The following ACSL6 variants were observed in gnomAD, a reference collection of about 807,000 sequenced individuals.
ACSL6 encodes the protein acyl-CoA synthetase long chain family member 6, also known as long-chain-fatty-acid--CoA ligase 6.
Under a neutral mutation model 98.2 loss-of-function variants are expected in ACSL6, and 47 were observed. That is an observed-to-expected ratio of 0.48 (90% CI 0.38 to 0.61). The LOEUF (loss-of-function observed/expected upper bound fraction) is 0.61, where lower values mean the gene tolerates loss of function less well. Among genes scored for constraint, ACSL6 ranks in the 20% least tolerant of loss-of-function variants. The pLI, the probability that ACSL6 is intolerant of heterozygous loss-of-function variation, is 0.00. For synonymous variants in ACSL6, 362 were observed against 336.9 expected (o/e 1.07, Z -0.82); for missense variants, 761 against 913.4 (o/e 0.83, Z 2.15).
At chr5:132,012,140 C>T (rs1158174480), upstream of ACSL6, 3 of 513,518 alleles carry the variant, frequency 5.8e-6, no homozygotes, top group Non-Finnish European at 9.6e-6. Flanking sequence ...GACACCAACG[C>T]CCCCTAGGAC....
At chr5:132,002,812 C>G (rs1278381310) in intron 1 of ACSL6, among the ~76,000 whole-genome samples, 4 of 152,106 alleles carry the variant, frequency 2.6e-5, no homozygotes, top group African/African-American at 7.2e-5. Flanking sequence ...CCTGTCTGCA[C>G]TGAGGACTGG....
At position 131,951,236 on chromosome 5, in the gene ACSL6, A is replaced by G. The variant is rs567984083; in HGVS notation, c.*2998T>C. 1.4e-5 allele frequency: 3 copies of G among 212,370 alleles called. No homozygotes were observed. Among genetic ancestry groups the G allele is most frequent in the African/African-American group, 2.3e-5 (1 of 44,176 alleles). 13.2% of individuals were successfully genotyped at this position (212,370 alleles called of 1,614,324 possible). On this transcript the variant is annotated 3_prime_UTR_variant, in exon 21 of 21. Transcript: ENST00000651883. ...ATACTTCTAGGCTTAAATAGATCCA[A>G]TGCCCAATATGAATGTGACCATCGT...
chr5:131,973,584 C>T (rs1753439522), intron 11 of ACSL6, 184 bp from the exon 12 acceptor site: 1 of 510,478 alleles, frequency 2.0e-6, no homozygotes, highest in Admixed American at 3.4e-5. Flanking sequence ...ACCTTCCAAC[C>T]AAGTCCCACT....
At chr5:132,007,294 C>A (rs752381183) in intron 1 of ACSL6, among the ~76,000 whole-genome samples, 2 of 152,226 alleles carry the variant, frequency 1.3e-5, no homozygotes, top group African/African-American at 4.8e-5. Flanking sequence ...CCTCTGGCAA[C>A]CTCACTGGCC....
At chr5:131,996,109 T>C (rs1580689683) in intron 1 of ACSL6, among the ~76,000 whole-genome samples, 1 of 152,314 alleles carries the variant, frequency 6.6e-6, no homozygotes, top group East Asian at 1.9e-4. Context: ...AGGCTCTGGG[T>C]GAGCCTCTAG....
At chr5:131,998,046 G>C (rs1489230715) in intron 1 of ACSL6, among the ~76,000 whole-genome samples, 1 of 152,132 alleles carries the variant, frequency 6.6e-6, no homozygotes, top group Non-Finnish European at 1.5e-5. Context: ...TTATTTCACA[G>C]GGCCTTGGCC....
intron 1 of ACSL6, chr5:131,994,809 A>T (rs1754711753): frequency 5.9e-6 from 1 of 169,894 alleles, no homozygotes; most frequent in Non-Finnish European, 1.3e-5. Flanking sequence ...ATCAGCCCTG[A>T]CAGATACTCC....
chr5:131,952,671 A>G lies in ACSL6; in HGVS notation c.*1563T>C, dbSNP rs1561768427. ...ATAGCTTGGAACTTAATTGCTGTCC[A>G]TGGTATCTGGCCTTTAATTATAAGA... is the stretch of plus-strand genomic sequence containing the variant. On this transcript the variant is annotated 3_prime_UTR_variant, in exon 21 of 21. Coordinates refer to ENST00000651883, the MANE Select transcript of ACSL6 (RefSeq NM_001009185.3). 1 of 214,720 alleles carries G rather than the reference A, an allele frequency of 4.7e-6. No individual in the cohort carries two copies. The highest frequency in any genetic ancestry group is 7.0e-5 in the East Asian group (1 of 14,254). 13.3% of individuals were successfully genotyped at this position (214,720 alleles called of 1,614,324 possible).
rs895658522 is a variant in ACSL6, at chr5:131,990,789, C to T, written c.385+64G>A. ...CCCTGGTATCATGCTTGCATACCCA[C>T]CCTTGCACCCACTCCACCCCTGCCA... On this transcript the variant is annotated intron_variant, in intron 3 of 20. Coordinates refer to ENST00000651883, the MANE Select transcript of ACSL6 (RefSeq NM_001009185.3). 5 of 1,492,210 alleles carry T rather than the reference C, an allele frequency of 3.4e-6. No individual in the cohort carries two copies. In the African/African-American group the frequency reaches 4.2e-5, roughly 12 times the overall value. 92.4% of individuals were successfully genotyped at this position (1,492,210 alleles called of 1,614,324 possible).
chr5:131,968,578 A>G (rs1257440715), intron 15 of ACSL6, among the ~76,000 whole-genome samples: 1 of 152,246 alleles, frequency 6.6e-6, no homozygotes, highest in Non-Finnish European at 1.5e-5. Flanking sequence ...TGCTGGTCCC[A>G]CACCACATGT....
rs561967376 is a variant in ACSL6, at chr5:132,006,056, G to A, written c.49+5449C>T. 1.2e-4 allele frequency among the ~76,000 whole-genome samples: 19 copies of A among 152,232 alleles called. No homozygotes were observed. In the South Asian group the frequency reaches 2.3e-3, roughly 18 times the overall value. ...TAAATTCCCAGGAGACAGTGATCTC[G>A]GAACACAAGCTTAAATGGGCAGATG... On this transcript the variant is annotated intron_variant, in intron 1 of 20. Coordinates refer to ENST00000651883, the MANE Select transcript of ACSL6 (RefSeq NM_001009185.3).
intron 11 of ACSL6, 44 bp downstream of exon 11, chr5:131,974,849 G>C (rs780251722): frequency 1.2e-6 from 2 of 1,613,834 alleles, no homozygotes; most frequent in Admixed American, 3.3e-5. Context: ...TAAGAAAAAA[G>C]AAGGAGCCCA....
intron 16 of ACSL6, among the ~76,000 whole-genome samples, chr5:131,967,660 G>T (rs149562126): frequency 8.7e-6 from 1 of 115,368 alleles, no homozygotes; most frequent in Non-Finnish European, 1.9e-5. Context: ...GCGAGACTCC[G>T]TCTCAAATTA....
intron 3 of ACSL6, 95 bp from the exon 4 acceptor site, chr5:131,990,259 CTGTAG>C: frequency 8.0e-7 from 1 of 1,251,258 alleles, no homozygotes; most frequent in Non-Finnish European, 1.1e-6. Context: ...ACATCCCATA[CTGTAG>C]TGTGTCCATG....
chr5:131,955,514 GAT>G (rs908454195), intron 20 of ACSL6, among the ~76,000 whole-genome samples: 2 of 152,188 alleles, frequency 1.3e-5, no homozygotes, highest in Admixed American at 1.3e-4. Flanking sequence ...AGAACTAGGT[GAT>G]CTGCAGAGGC....
chr5:131,989,415 G>A lies in ACSL6; in HGVS notation c.544C>T (p.Arg182Trp), dbSNP rs1235693750. The change falls in exon 5 of 21, where the codon CGG (arginine) becomes TGG (tryptophan). Residue 182 changes from arginine (R) to tryptophan (W), a missense_variant. Transcript: ENST00000651883. The part of the protein sequence containing the change: ...DQFIGVFAQN[R>W]PEWIIVELAC... ...TCAAGGTAGATGCTCACCTCTGGCC[G>A]ATTTTGTGCAAAAACACCAATAAAC... 4 of 1,613,784 alleles carry A rather than the reference G, an allele frequency of 2.5e-6. No homozygotes were observed. The highest frequency in any genetic ancestry group is 1.3e-5 in the African/African-American group (1 of 74,994).
At chr5:132,009,131 A>G (rs1032175991) in intron 1 of ACSL6, among the ~76,000 whole-genome samples, 3 of 152,238 alleles carry the variant, frequency 2.0e-5, no homozygotes, top group African/African-American at 7.2e-5. Context: ...CAGGACAGAC[A>G]CAGCCCAGAA....
At chr5:131,995,688 T>C (rs369402072) in intron 1 of ACSL6, among the ~76,000 whole-genome samples, 3 of 152,314 alleles carry the variant, frequency 2.0e-5, no homozygotes, top group East Asian at 3.9e-4. Flanking sequence ...CATAACATCA[T>C]GACACCGGAG....
chr5:131,961,396 A>G (rs1752698063), intron 18 of ACSL6, among the ~76,000 whole-genome samples: 1 of 152,026 alleles, frequency 6.6e-6, no homozygotes, highest in South Asian at 2.1e-4. Context: ...ATAGTACAGA[A>G]TATATTTGAT....
Sources: gnomAD v4.1 joint callset for allele counts (sites outside exome capture counted in the v4.1 genomes callset) on GRCh38, gnomAD v4.1.1 for gene constraint, MANE v1.5 for transcripts, NCBI Gene and HGNC (gene_info 2026-07-23, HGNC 2026-07-21) for gene names.